CMSS1: variants seen among roughly 807,000 people sequenced by gnomAD.
The protein encoded by CMSS1 is cms1 ribosomal small subunit homolog.
In CMSS1, 33 loss-of-function variants were observed where a neutral mutation model predicts 43.5. The observed-to-expected ratio is 0.76, with a 90% CI of 0.57 to 1.01. CMSS1 has a LOEUF of 1.01. Among genes scored for constraint, CMSS1 ranks in the 50% least tolerant of loss-of-function variants. The pLI is 0.00. For synonymous variants in CMSS1, 115 were observed against 117.2 expected (o/e 0.98, Z 0.12); for missense variants, 313 against 326.4 (o/e 0.96, Z 0.32).
At chr3:99,911,653 A>G (rs1045284432) in intron 1 of CMSS1, among the ~76,000 whole-genome samples, 4 of 152,148 alleles carry the variant, frequency 2.6e-5, no homozygotes, top group African/African-American at 9.7e-5. Context: ...CTTGAAGCTA[A>G]TTGCTGCCTG....
chr3:100,152,745 A>G (rs1259812601), intron 2 of CMSS1, among the ~76,000 whole-genome samples: 2 of 152,182 alleles, frequency 1.3e-5, no homozygotes, highest in Non-Finnish European at 2.9e-5. Flanking sequence ...ACCCTTGCCA[A>G]TAGACACATT....
chr3:99,953,593 C>G (rs1374446962), intron 1 of CMSS1, among the ~76,000 whole-genome samples: 3 of 152,118 alleles, frequency 2.0e-5, no homozygotes, highest in African/African-American at 7.2e-5. Flanking sequence ...TCAATAAAAT[C>G]CAACCAGTCT....
At chr3:100,178,078 C>T (rs1039550079) in intron 9 of CMSS1, among the ~76,000 whole-genome samples, 72 of 152,144 alleles carry the variant, frequency 4.7e-4, no homozygotes, top group Non-Finnish European at 1.3e-4. Context: ...GAGATCACGC[C>T]ACTGCACTCC....
chr3:100,153,706 T>C (rs2066943558), intron 2 of CMSS1, among the ~76,000 whole-genome samples: 1 of 152,132 alleles, frequency 6.6e-6, no homozygotes, highest in African/African-American at 2.4e-5. Flanking sequence ...TATAGTGGCA[T>C]TGGGGGTTAG....
intron 1 of CMSS1, among the ~76,000 whole-genome samples, chr3:99,963,284 C>T (rs1388370895): frequency 6.6e-6 from 1 of 152,162 alleles, no homozygotes; most frequent in African/African-American, 2.4e-5. Context: ...TGACTGATCC[C>T]ATGTGGTGGA....
At chr3:99,875,173 C>T (rs1336326979) in intron 1 of CMSS1, among the ~76,000 whole-genome samples, 1 of 152,092 alleles carries the variant, frequency 6.6e-6, no homozygotes, top group Non-Finnish European at 1.5e-5. Flanking sequence ...TTAATTCCTA[C>T]GTTGACTTTT....
chr3:100,132,270 G>A (rs2066714921), intron 1 of CMSS1, among the ~76,000 whole-genome samples: 1 of 152,096 alleles, frequency 6.6e-6, no homozygotes, highest in Admixed American at 6.5e-5. Context: ...AGACATAGTG[G>A]CATGTAGCTG....
chr3:100,067,672 T>C (rs1203527766), intron 1 of CMSS1, among the ~76,000 whole-genome samples: 2 of 152,142 alleles, frequency 1.3e-5, no homozygotes, highest in Non-Finnish European at 2.9e-5. Flanking sequence ...AGTATACTGG[T>C]TTGATAATAA....
intron 1 of CMSS1, among the ~76,000 whole-genome samples, chr3:100,019,742 C>T (rs761167136): frequency 4.6e-4 from 70 of 152,144 alleles, no homozygotes; most frequent in Non-Finnish European, 7.8e-4. Context: ...GATTCACATT[C>T]TACAGAACTA....
chr3:99,952,207 A>T (rs1708198376), intron 1 of CMSS1, among the ~76,000 whole-genome samples: 1 of 152,056 alleles, frequency 6.6e-6, no homozygotes, highest in South Asian at 2.1e-4. Context: ...ATAAGGGTCA[A>T]TTTCTATTTG....
rs868521618 is a variant in CMSS1, at chr3:100,066,783, G to A, written c.65-80190G>A. Among the ~76,000 whole-genome samples, 10 of 94,504 alleles carry A rather than the reference G, an allele frequency of 1.1e-4. 2 individuals are homozygous for A. The highest frequency in any genetic ancestry group is 3.1e-4 in the African/African-American group (9 of 28,962). The allele number at this position is 94,504 out of a possible 152,430, so 62.0% of individuals were successfully genotyped here. On this transcript the variant is annotated intron_variant, in intron 1 of 9. Coordinates refer to ENST00000421999, the MANE Select transcript of CMSS1 (RefSeq NM_032359.4). Reference sequence around the variant, plus strand: ...CCTGACCTCGTGATCCGCCCGCCTCGGCCTCCCAAAGTGCTGGGATTACAG... The same window carrying A: ...CCTGACCTCGTGATCCGCCCGCCTCAGCCTCCCAAAGTGCTGGGATTACAG...
intron 1 of CMSS1, among the ~76,000 whole-genome samples, chr3:100,116,058 G>A (rs994284099): frequency 6.6e-6 from 1 of 152,138 alleles, no homozygotes; most frequent in African/African-American, 2.4e-5. Flanking sequence ...TTTATGGCAG[G>A]AATACTACAG....
At chr3:100,006,499 A>G (rs1054705352) in intron 1 of CMSS1, among the ~76,000 whole-genome samples, 1 of 152,066 alleles carries the variant, frequency 6.6e-6, no homozygotes, top group Admixed American at 6.6e-5. Context: ...TTTCTGCCCC[A>G]AAGTCTCCTT....
chr3:100,115,917 A>G (rs989176797), intron 1 of CMSS1, among the ~76,000 whole-genome samples: 1 of 152,154 alleles, frequency 6.6e-6, no homozygotes. Flanking sequence ...ACGTTCCTTC[A>G]ATCTTGAACA....
At chr3:100,016,874 G>A (rs1334852525) in intron 1 of CMSS1, among the ~76,000 whole-genome samples, 2 of 152,120 alleles carry the variant, frequency 1.3e-5, no homozygotes, top group Admixed American at 6.5e-5. Flanking sequence ...TTATCTAATG[G>A]CAAAGTGAGA....
intron 1 of CMSS1, among the ~76,000 whole-genome samples, chr3:100,018,151 T>C (rs1710398906): frequency 6.6e-6 from 1 of 151,764 alleles, no homozygotes; most frequent in African/African-American, 2.4e-5. Flanking sequence ...CATGGTGAAA[T>C]CTCGTCTCTA....
At chr3:99,822,441 C>T (rs1250939111) in intron 1 of CMSS1, among the ~76,000 whole-genome samples, 2 of 152,164 alleles carry the variant, frequency 1.3e-5, no homozygotes, top group African/African-American at 4.8e-5. Context: ...GTAATAATAC[C>T]AGCTTGCGGC....
At chr3:99,919,917 C>T (rs944504427) in intron 1 of CMSS1, among the ~76,000 whole-genome samples, 2 of 152,214 alleles carry the variant, frequency 1.3e-5, no homozygotes, top group African/African-American at 4.8e-5. Context: ...GGCCTCTGCA[C>T]CACTGTTCTA....
intron 1 of CMSS1, chr3:99,833,180 G>A (rs1428611617): frequency 6.6e-7 from 1 of 1,518,246 alleles, no homozygotes; most frequent in Non-Finnish European, 9.1e-7. Context: ...GCTTAACCCA[G>A]TTCAACATGA....
Sources: allele counts gnomAD v4.1 joint callset (sites outside exome capture counted in the v4.1 genomes callset), GRCh38; gene constraint gnomAD v4.1.1; transcripts MANE v1.5; gene names NCBI Gene and HGNC (gene_info 2026-07-23, HGNC 2026-07-21).